Variants in IDO2 observed in about 807,000 individuals in gnomAD.
IDO2 encodes the protein indoleamine 2,3-dioxygenase 2, also known as indoleamine 2,3-dioxygenase-like 1 protein.
In IDO2, 46 loss-of-function variants were observed where a neutral mutation model predicts 45.1. That is an observed-to-expected ratio of 1.02 (90% CI 0.80 to 1.30). IDO2 has a LOEUF of 1.30. IDO2 is among the 50% of genes most tolerant of loss of function. The pLI, the probability that IDO2 is intolerant of heterozygous loss-of-function variation, is 0.00. For synonymous variants in IDO2, 218 were observed against 184.9 expected, an observed-to-expected ratio of 1.18 and a Z score of -1.45; for missense variants, 544 against 491.8, an observed-to-expected ratio of 1.11 and a Z score of -1.00.
rs541287094 is a variant in IDO2 at position 39,999,381 on chromosome 8, C to A, written c.668-5946C>A. Among the ~76,000 whole-genome samples the A allele has an allele frequency of 5.4e-5, 8 of 148,478 alleles. No individual in the cohort carries two copies. The East Asian group carries it at 1.5e-3, about 27-fold the overall frequency. ...TGCAACCTCTGCCTCTCGGTTCAAG[C>A]GATTCTCCTGCCTCAGCCTACCGAG... On this transcript the variant is annotated intron_variant, in intron 8 of 10. Coordinates refer to ENST00000502986, the Ensembl canonical transcript of IDO2.
chr8:39,946,228 G>A (rs1400977657), intron 1 of IDO2, among the ~76,000 whole-genome samples: 1 of 152,172 alleles, frequency 6.6e-6, no homozygotes, highest in Non-Finnish European at 1.5e-5. Context: ...CTCAGCACAA[G>A]AAGAGAGCTT....
intron 10 of IDO2, among the ~76,000 whole-genome samples, chr8:40,014,600 C>T (rs4559228): frequency 0.98 from 149,354 of 152,282 alleles, 73,310 homozygotes; most frequent in East Asian, 1. Flanking sequence ...TTGTGTTCTA[C>T]ATTTGAAGAT....
chr8:40,002,694 C>G (rs1020561555), intron 8 of IDO2, among the ~76,000 whole-genome samples: 1 of 152,122 alleles, frequency 6.6e-6, no homozygotes, highest in East Asian at 1.9e-4. Context: ...GCAGGAGAAT[C>G]GCTTGAACCT....
chr8:39,997,628 G>A (rs552962149), intron 8 of IDO2, among the ~76,000 whole-genome samples: 1 of 152,264 alleles, frequency 6.6e-6, no homozygotes, highest in African/African-American at 2.4e-5. Context: ...CCATTGTACT[G>A]AAGCCTGGGG....
intron 4 of IDO2, 105 bp downstream of exon 4, chr8:39,979,291 TTTC>T: frequency 8.0e-7 from 1 of 1,253,822 alleles, no homozygotes. Flanking sequence ...AAATGGGTAC[TTTC>T]TTCTTCTCGA....
chr8:39,982,911 A>T lies in IDO2; in HGVS notation c.434+141A>T, dbSNP rs937898884. On this transcript the variant is annotated intron_variant, in intron 5 of 10. Coordinates refer to ENST00000502986, the Ensembl canonical transcript of IDO2. The stretch of plus-strand genomic sequence containing the variant: ...GGGGTGAGCTTGACCAAAAATTCAA[A>T]TATCACAGGCCCCAGAAGTTTCCTC... 18 of 565,428 alleles carry T rather than the reference A, an allele frequency of 3.2e-5. No homozygotes were observed. In the African/African-American group the frequency reaches 3.2e-4, roughly 10 times the overall value. 35.0% of individuals were successfully genotyped at this position (565,428 alleles called of 1,614,324 possible).
At chr8:39,974,627 A>G (rs1808232018) in intron 3 of IDO2, among the ~76,000 whole-genome samples, 1 of 152,208 alleles carries the variant, frequency 6.6e-6, no homozygotes, top group Non-Finnish European at 1.5e-5. Context: ...TACTGAAAAT[A>G]CACAAAATTG....
chr8:39,994,288 G>A (rs1216790549), intron 8 of IDO2, among the ~76,000 whole-genome samples: 5 of 142,230 alleles, frequency 3.5e-5, no homozygotes, highest in South Asian at 4.4e-4. Flanking sequence ...ATGGAGTTTC[G>A]CTCTTGTTGC....
chr8:40,007,426 C>T (rs1802240304), intron 9 of IDO2, among the ~76,000 whole-genome samples: 1 of 151,690 alleles, frequency 6.6e-6, no homozygotes. Context: ...AGAAGGTTTC[C>T]AAGATTGAGA....
chr8:39,958,629 T>C (rs1023888748), intron 2 of IDO2, among the ~76,000 whole-genome samples: 1 of 152,178 alleles, frequency 6.6e-6, no homozygotes, highest in South Asian at 2.1e-4. Context: ...TTTTGTATTT[T>C]TAGTAGAGAC....
chr8:39,960,001 T>G (rs1045176344), intron 2 of IDO2, among the ~76,000 whole-genome samples: 20 of 152,118 alleles, frequency 1.3e-4, no homozygotes, highest in African/African-American at 4.3e-4. Flanking sequence ...AATCAGAGAT[T>G]GTGAGTAGGA....
rs768603934 is a variant in IDO2, at chr8:39,987,973, A to T, written c.549+3A>T. ...AAGAAGCAGTGCCTGGGATAAAGGT[A>T]TCTTCTCACTTGATAGCACCTTTTC... is the stretch of plus-strand genomic sequence containing the variant. On this transcript the variant is annotated splice_donor_region_variant and intron_variant, in intron 7 of 10. Coordinates refer to ENST00000502986, the Ensembl canonical transcript of IDO2. The T allele has an allele frequency of 1.0e-5, 16 of 1,563,602 alleles. No homozygotes were observed. Among genetic ancestry groups the T allele is most frequent in the Non-Finnish European group, 4.4e-6 (5 of 1,138,662 alleles).
rs140263291 is a variant in IDO2 at position 39,983,192 on chromosome 8, G to A, written c.434+422G>A. Among the ~76,000 whole-genome samples, 90 of 152,282 alleles carry A rather than the reference G, an allele frequency of 5.9e-4. 1 individual carries two copies. The highest frequency in any genetic ancestry group is 3.4e-3 in the Middle Eastern group (1 of 294). On this transcript the variant is annotated intron_variant, in intron 5 of 10. Coordinates refer to ENST00000502986, the Ensembl canonical transcript of IDO2. ...TCAGAGCAGATGCTCCAGGTGGGTT[G>A]GATTGAGAATTTGATTAATAATTCC... is the stretch of plus-strand genomic sequence containing the variant.
At chr8:39,989,879 C>G in intron 8 of IDO2, 41 bp downstream of exon 8, 1 of 1,399,564 alleles carries the variant, frequency 7.1e-7, no homozygotes, top group Middle Eastern at 1.8e-4. Flanking sequence ...CCCCAGGGGT[C>G]CTGGGCTCTG....
In IDO2 at chr8:40,013,767, G is replaced by GTT. The variant is rs1554550210; in HGVS notation, c.868+65_868+66dup. On this transcript the variant is annotated intron_variant, in intron 10 of 10. Transcript: ENST00000502986. ...GAGTAGAGGGAGGAAGAGGAGAGGT[G>GTT]TTTTTTTTTTTTCCAATTGATAAAA... 1,003 of 984,240 alleles carry GTT rather than the reference G, an allele frequency of 1.0e-3. 6 individuals carry two copies. In the African/African-American group the frequency reaches 0.026, roughly 25 times the overall value. 61.0% of individuals were successfully genotyped at this position (984,240 alleles called of 1,614,324 possible).
At chr8:39,988,373 G>A (rs557752383) in intron 7 of IDO2, among the ~76,000 whole-genome samples, 1 of 152,180 alleles carries the variant, frequency 6.6e-6, no homozygotes, top group South Asian at 2.1e-4. Context: ...CAGGAAGGCT[G>A]GATAGAAGAC....
At chr8:39,973,656 C>A (rs927768566) in intron 3 of IDO2, among the ~76,000 whole-genome samples, 1 of 152,022 alleles carries the variant, frequency 6.6e-6, no homozygotes, top group Non-Finnish European at 1.5e-5. Flanking sequence ...TACAGCTAAA[C>A]TCCATATTTC....
rs1801929912 is a variant in IDO2, at chr8:39,991,534, G to A, written c.667+1696G>A. ...TGCATGCAGTGTCTAACTGTCACAG[G>A]CTTTCCTAGGGCTCACTTTCAGACT... On this transcript the variant is annotated intron_variant, in intron 8 of 10. Coordinates refer to ENST00000502986, the Ensembl canonical transcript of IDO2. 4.0e-5 allele frequency among the ~76,000 whole-genome samples: 6 copies of A among 151,166 alleles called. No homozygotes were observed. In the South Asian group the frequency reaches 1.3e-3, roughly 32 times the overall value.
intron 1 of IDO2, among the ~76,000 whole-genome samples, chr8:39,947,590 A>G (rs1807757393): frequency 1.3e-5 from 2 of 152,116 alleles, no homozygotes; most frequent in African/African-American, 4.8e-5. Context: ...GCCAATTGGG[A>G]CAAATACAGA....
Sources: gnomAD v4.1 joint callset for allele counts (sites outside exome capture counted in the v4.1 genomes callset) on GRCh38, gnomAD v4.1.1 for gene constraint, MANE v1.5 for transcripts, NCBI Gene and HGNC (gene_info 2026-07-23, HGNC 2026-07-21) for gene names.